The following FAM174B variants were observed in gnomAD, a reference collection of about 807,000 sequenced individuals.
FAM174B encodes the protein family with sequence similarity 174 member B, also known as membrane protein FAM174B.
FAM174B carries 12 observed loss-of-function variants against 10.9 expected under a neutral mutation model. The observed-to-expected ratio is 1.10, with a 90% CI of 0.71 to 1.79. The LOEUF is 1.79. Ranked by LOEUF, FAM174B falls within the 40% of genes most tolerant of loss-of-function variation. FAM174B has a pLI of 0.00. For synonymous variants in FAM174B, 132 were observed against 115.8 expected, an observed-to-expected ratio of 1.14 and a Z score of -0.90; for missense variants, 266 against 233.3, an observed-to-expected ratio of 1.14 and a Z score of -0.91.
At chr15:92,644,482 C>T (rs569413396) in intron 1 of FAM174B, among the ~76,000 whole-genome samples, 1 of 152,300 alleles carries the variant, frequency 6.6e-6, no homozygotes, top group East Asian at 1.9e-4. Flanking sequence ...CAGCCAAGCT[C>T]CAACACCATC....
In FAM174B at chr15:92,641,073, C is replaced by CAT. The variant is rs527395659; in HGVS notation, c.345-10729_345-10728insAT. On this transcript the variant is annotated intron_variant, in intron 1 of 2. Coordinates refer to ENST00000327355, the MANE Select transcript of FAM174B (RefSeq NM_207446.3). ...ATAACACAGGCAGTTCACACACACA[C>CAT]ACACACACACAAACCTAAATGGCTC... 3.5e-3 allele frequency among the ~76,000 whole-genome samples: 525 copies of CAT among 152,146 alleles called. 5 individuals carry two copies. Among genetic ancestry groups the CAT allele is most frequent in the African/African-American group, 0.011 (476 of 41,484 alleles).
chr15:92,623,382 A>C (rs553117445), intron 2 of FAM174B, among the ~76,000 whole-genome samples: 1 of 152,142 alleles, frequency 6.6e-6, no homozygotes, highest in Non-Finnish European at 1.5e-5. Context: ...TTCCTGCTTC[A>C]TCATTAACAT....
chr15:92,633,827 T>G (rs139202400), intron 1 of FAM174B, among the ~76,000 whole-genome samples: 10 of 152,202 alleles, frequency 6.6e-5, no homozygotes, highest in East Asian at 5.8e-4. Flanking sequence ...AGGAGTAAAA[T>G]AAATCTCTGC....
intron 1 of FAM174B, among the ~76,000 whole-genome samples, chr15:92,642,384 A>G (rs2050897425): frequency 6.6e-6 from 1 of 152,210 alleles, no homozygotes; most frequent in African/African-American, 2.4e-5. Flanking sequence ...AGCATTATTC[A>G]TAATAGCCCC....
intron 1 of FAM174B, among the ~76,000 whole-genome samples, chr15:92,649,845 C>T (rs917289643): frequency 1.3e-5 from 2 of 152,130 alleles, no homozygotes; most frequent in Non-Finnish European, 2.9e-5. Flanking sequence ...TGGCTGTATC[C>T]GATTTGCTTA....
chr15:92,641,390 A>T (rs928115133), intron 1 of FAM174B, among the ~76,000 whole-genome samples: 3 of 152,254 alleles, frequency 2.0e-5, no homozygotes, highest in African/African-American at 7.2e-5. Context: ...ATGTTTCCAC[A>T]TGTGTGAAAT....
At chr15:92,636,834 C>T (rs937204595) in intron 1 of FAM174B, among the ~76,000 whole-genome samples, 3 of 152,232 alleles carry the variant, frequency 2.0e-5, no homozygotes, top group Non-Finnish European at 2.9e-5. Flanking sequence ...CACCGGAGTT[C>T]GCAGCCACTT....
At chr15:92,647,127 C>T (rs982180209) in intron 1 of FAM174B, among the ~76,000 whole-genome samples, 5 of 152,184 alleles carry the variant, frequency 3.3e-5, no homozygotes, top group Non-Finnish European at 5.9e-5. Context: ...TCACAGAGTC[C>T]GTTACACAGT....
intron 1 of FAM174B, among the ~76,000 whole-genome samples, chr15:92,641,221 C>A (rs1250005273): frequency 1.3e-5 from 2 of 152,182 alleles, no homozygotes; most frequent in African/African-American, 4.8e-5. Flanking sequence ...TCTGAAAACA[C>A]ACTGTTGGCA....
chr15:92,626,469 A>G (rs1025838411), intron 2 of FAM174B, among the ~76,000 whole-genome samples: 15 of 152,268 alleles, frequency 9.9e-5, no homozygotes, highest in African/African-American at 3.6e-4. Context: ...TTTAAAAATA[A>G]TATTTTTTAA....
intron 2 of FAM174B, among the ~76,000 whole-genome samples, chr15:92,624,269 C>T (rs1415226328): frequency 2.0e-5 from 3 of 152,212 alleles, no homozygotes; most frequent in Admixed American, 6.5e-5. Context: ...ACCGGCTCCT[C>T]TCTGGTTCCT....
chr15:92,651,599 T>A (rs1225237036), intron 1 of FAM174B, among the ~76,000 whole-genome samples: 1 of 152,264 alleles, frequency 6.6e-6, no homozygotes, highest in Non-Finnish European at 1.5e-5. Flanking sequence ...AAGTATTATC[T>A]CAATGTCATC....
intron 1 of FAM174B, among the ~76,000 whole-genome samples, chr15:92,640,137 G>A (rs1182863141): frequency 2.6e-5 from 4 of 151,960 alleles, no homozygotes; most frequent in Non-Finnish European, 2.9e-5. Flanking sequence ...TAAATTAGAC[G>A]GATCAGACTT....
At chr15:92,651,557 T>C (rs1482227182) in intron 1 of FAM174B, among the ~76,000 whole-genome samples, 6 of 152,270 alleles carry the variant, frequency 3.9e-5, no homozygotes, top group Non-Finnish European at 8.8e-5. Context: ...CATGTCACTT[T>C]GTGACCTGTT....
rs1023331941 is a variant in FAM174B at position 92,655,684 on chromosome 15, G to C, written c.-25C>G. On this transcript the variant is annotated 5_prime_UTR_variant, in exon 1 of 3. Transcript: ENST00000327355. ...TAGTGCGGTGGGTCGGCACAGGATC[G>C]GGCAGGGCGCGCGCGGCTGAGCTCC... 45 of 1,241,194 alleles carry C rather than the reference G, an allele frequency of 3.6e-5. No individual in the cohort carries two copies. The highest frequency in any genetic ancestry group is 9.3e-5 in the African/African-American group (6 of 64,356). 76.9% of individuals were successfully genotyped at this position (1,241,194 alleles called of 1,614,324 possible).
intron 1 of FAM174B, among the ~76,000 whole-genome samples, chr15:92,651,952 G>T (rs1475400950): frequency 6.6e-6 from 1 of 152,138 alleles, no homozygotes; most frequent in African/African-American, 2.4e-5. Flanking sequence ...AGAGAAATAG[G>T]CTAGGACTGC....
At chr15:92,638,381 A>C (rs533008002) in intron 1 of FAM174B, among the ~76,000 whole-genome samples, 2 of 152,192 alleles carry the variant, frequency 1.3e-5, no homozygotes, top group Non-Finnish European at 2.9e-5. Flanking sequence ...AGCTGCTCAG[A>C]AACAGGTTTC....
At chr15:92,642,684 C>T (rs1227078872) in intron 1 of FAM174B, among the ~76,000 whole-genome samples, 3 of 152,212 alleles carry the variant, frequency 2.0e-5, no homozygotes, top group African/African-American at 2.4e-5. Flanking sequence ...TGAGGCCTCT[C>T]CTGCCATGCA....
Position 92,630,323 on chromosome 15 carries a change from T to C in FAM174B, c.367A>G (p.Thr123Ala). The change falls in exon 2 of 3, where the codon ACA (threonine) becomes GCA (alanine). Residue 123 changes from threonine to alanine, a missense_variant. Transcript: ENST00000327355. ...VFRSGKRLKK[T>A]RKYDIITTPA... ...GTGGTGATGATATCATACTTGCGTG[T>C]CTTCTTTAACCTCTTTCCCGACCTG... The C allele has an allele frequency of 6.2e-7, 1 of 1,613,464 alleles. No individual in the cohort carries two copies. The highest frequency in any genetic ancestry group is 8.5e-7 in the Non-Finnish European group (1 of 1,179,638).
Sources: allele counts gnomAD v4.1 joint callset (sites outside exome capture counted in the v4.1 genomes callset), GRCh38; gene constraint gnomAD v4.1.1; transcripts MANE v1.5; gene names NCBI Gene and HGNC (gene_info 2026-07-23, HGNC 2026-07-21).